SYT9: variants seen among roughly 807,000 people sequenced by gnomAD.
The protein encoded by SYT9 is synaptotagmin-9.
A neutral mutation model predicts 48.4 loss-of-function variants in SYT9; 22 were observed. The ratio of observed to expected loss-of-function variants is 0.45; its 90% CI spans 0.32 to 0.65. The LOEUF (loss-of-function observed/expected upper bound fraction) is 0.65, where lower values mean the gene tolerates loss of function less well. Among genes scored for constraint, SYT9 ranks in the 30% least tolerant of loss-of-function variants. The pLI is 0.03. For missense variants in SYT9, 577 were observed against 622.0 expected (o/e 0.93, Z 0.77); for synonymous variants, 265 against 245.0 (o/e 1.08, Z -0.76).
chr11:7,370,531 G>A (rs987264083), intron 3 of SYT9, among the ~76,000 whole-genome samples: 4 of 151,928 alleles, frequency 2.6e-5, no homozygotes, highest in Non-Finnish European at 5.9e-5. Flanking sequence ...TGGAAAATTC[G>A]GTGAGCATAC....
intron 3 of SYT9, among the ~76,000 whole-genome samples, chr11:7,373,851 T>A (rs1850406178): frequency 6.6e-6 from 1 of 152,108 alleles, no homozygotes; most frequent in Non-Finnish European, 1.5e-5. Context: ...GACACTTCGT[T>A]TGGGGGAAAG....
intron 1 of SYT9, among the ~76,000 whole-genome samples, chr11:7,284,140 G>A (rs1301506492): frequency 6.6e-6 from 1 of 152,064 alleles, no homozygotes; most frequent in African/African-American, 2.4e-5. Flanking sequence ...CATAAACAAG[G>A]AAAGCATCTT....
intron 6 of SYT9, among the ~76,000 whole-genome samples, chr11:7,442,363 G>C (rs1847844169): frequency 6.6e-6 from 1 of 152,154 alleles, no homozygotes; most frequent in African/African-American, 2.4e-5. Context: ...GCGCAAACCA[G>C]GGTGGAGGAT....
intron 6 of SYT9, among the ~76,000 whole-genome samples, chr11:7,434,638 G>A (rs1847668518): frequency 6.6e-6 from 1 of 152,134 alleles, no homozygotes; most frequent in Admixed American, 6.6e-5. Context: ...AAGTATGGCA[G>A]GGCAGCCAGC....
chr11:7,256,468 A>G (rs185898623), intron 1 of SYT9, among the ~76,000 whole-genome samples: 87 of 152,344 alleles, frequency 5.7e-4, no homozygotes, highest in Middle Eastern at 3.4e-3. Context: ...TGAAGTCCAG[A>G]GAAGTAAACT....
At chr11:7,418,205 A>G in intron 5 of SYT9, 77 bp downstream of exon 5, 1 of 1,501,794 alleles carries the variant, frequency 6.7e-7, no homozygotes, top group South Asian at 1.2e-5. Context: ...AGCAGCAGCC[A>G]CAGATTCTTA....
At chr11:7,369,019 A>C (rs1420011049) in intron 3 of SYT9, among the ~76,000 whole-genome samples, 1 of 152,218 alleles carries the variant, frequency 6.6e-6, no homozygotes. Flanking sequence ...TGCAAGATCA[A>C]ATGGTATTTG....
chr11:7,254,372 A>G (rs1255302865), intron 1 of SYT9, among the ~76,000 whole-genome samples: 1 of 152,196 alleles, frequency 6.6e-6, no homozygotes, highest in Non-Finnish European at 1.5e-5. Context: ...GATTACATCC[A>G]AAGTGCACCC....
At position 7,468,396 on chromosome 11, in the gene SYT9, C is replaced by G; in HGVS notation, c.*1596C>G. On this transcript the variant is annotated 3_prime_UTR_variant, in exon 7 of 7. Transcript: ENST00000318881. The stretch of plus-strand genomic sequence containing the variant: ...GTCATTACATTCAAGCTTCACTTCT[C>G]TGATTGGCTTCCAACCACTGGGATT... The G allele has an allele frequency of 2.5e-6, 1 of 398,388 alleles. No individual in the cohort carries two copies. The highest frequency in any genetic ancestry group is 4.4e-6 in the Non-Finnish European group (1 of 225,932). 24.7% of individuals were successfully genotyped at this position (398,388 alleles called of 1,614,324 possible).
chr11:7,432,575 AAAAAAAAATATATATACATAT>A (rs1847613295), intron 6 of SYT9, among the ~76,000 whole-genome samples: 1 of 11,196 alleles, frequency 8.9e-5, no homozygotes, highest in Non-Finnish European at 1.5e-4. Flanking sequence ...AAAAAAAAAA[AAAAAAAAATATATATACATAT>A]ATATATATAT....
chr11:7,459,629 C>T (rs1037238316), intron 6 of SYT9, among the ~76,000 whole-genome samples: 4 of 152,250 alleles, frequency 2.6e-5, no homozygotes, highest in Non-Finnish European at 5.9e-5. Flanking sequence ...TTTACATCTA[C>T]CTAGAACCTC....
chr11:7,376,257 T>TTC (rs986352987), intron 3 of SYT9, among the ~76,000 whole-genome samples: 1 of 151,340 alleles, frequency 6.6e-6, no homozygotes, highest in Non-Finnish European at 1.5e-5. Context: ...CTGTTTCTCT[T>TTC]TCTCTCTCTC....
At chr11:7,437,920 G>T (rs909379611) in intron 6 of SYT9, 1 of 152,236 alleles carries the variant, frequency 6.6e-6, no homozygotes, top group African/African-American at 2.4e-5. Flanking sequence ...CTTGTTGGAG[G>T]TATGTGTCAC....
chr11:7,339,271 G>A (rs191794299), intron 3 of SYT9, among the ~76,000 whole-genome samples: 3 of 152,260 alleles, frequency 2.0e-5, no homozygotes, highest in Admixed American at 2.0e-4. Context: ...GTCTCTTGAA[G>A]ACAGCATGTC....
intron 6 of SYT9, among the ~76,000 whole-genome samples, chr11:7,442,677 C>T (rs926182803): frequency 3.3e-5 from 5 of 152,178 alleles, no homozygotes; most frequent in Non-Finnish European, 7.3e-5. Flanking sequence ...TCTCCAAATA[C>T]TCACATGGGT....
At chr11:7,366,189 C>T (rs1458757422) in intron 3 of SYT9, among the ~76,000 whole-genome samples, 1 of 152,222 alleles carries the variant, frequency 6.6e-6, no homozygotes, top group Non-Finnish European at 1.5e-5. Context: ...TCTCTAAGCT[C>T]TGACATACCT....
intron 3 of SYT9, among the ~76,000 whole-genome samples, chr11:7,412,685 A>G (rs7127113): frequency 0.023 from 3,568 of 152,238 alleles, 141 homozygotes; most frequent in African/African-American, 0.081. Context: ...TAGTGGCAGC[A>G]GTGGGCCTGG....
rs1564879657 is a variant in SYT9, at chr11:7,369,794, A to AAAC, written c.1045-46247_1045-46246insACA. Among the ~76,000 whole-genome samples, 488 of 143,966 alleles carry AAAC rather than the reference A, an allele frequency of 3.4e-3. 1 individual carries two copies. The highest frequency in any genetic ancestry group is 0.011 in the African/African-American group (435 of 38,860). 94.4% of individuals were successfully genotyped at this position (143,966 alleles called of 152,430 possible). On this transcript the variant is annotated intron_variant, in intron 3 of 6. Transcript: ENST00000318881. ...CATACACACCACACACACACACACA[A>AAAC]ACACACACACACACACACACACACA...
chr11:7,250,667 G>A (rs10839748), upstream of SYT9, among the ~76,000 whole-genome samples: 65,853 of 151,956 alleles, frequency 0.43, 14,541 homozygotes, highest in Non-Finnish European at 0.46. Flanking sequence ...CTATTCCCAT[G>A]TAAGTTCCCT....
Sources: gnomAD v4.1 joint callset for allele counts (sites outside exome capture counted in the v4.1 genomes callset) on GRCh38, gnomAD v4.1.1 for gene constraint, MANE v1.5 for transcripts, NCBI Gene and HGNC (gene_info 2026-07-23, HGNC 2026-07-21) for gene names.